REST: variants seen among roughly 807,000 people sequenced by gnomAD.
REST encodes RE1-silencing transcription factor.
Under a neutral mutation model 30.4 loss-of-function variants are expected in REST, and 1 was observed. The ratio of observed to expected loss-of-function variants is 0.03; its 90% CI spans 0.01 to 0.16. The LOEUF (loss-of-function observed/expected upper bound fraction) is 0.16, where lower values mean the gene tolerates loss of function less well. REST is among the 10% of genes least tolerant of loss of function. REST has a pLI of 1.00. For synonymous variants in REST, 504 were observed against 451.1 expected, an observed-to-expected ratio of 1.12 and a Z score of -1.49; for missense variants, 1,259 against 1,329.5, an observed-to-expected ratio of 0.95 and a Z score of 0.82.
rs762902446 is a variant in REST, at chr4:56,930,149, A to G, written c.1291A>G (p.Lys431Glu). Residue 431 changes from lysine to glutamate, a missense_variant, in exon 4 of 4, where the codon AAA (lysine) becomes GAA (glutamate). Lys to Glu is a moderately conservative substitution (Grantham distance 56). Around this residue, in one of 5 missense-constraint regions of REST, gnomAD observed 856 missense variants for 772.8 expected, o/e 1.11. Transcript: ENST00000309042. ...DVSKVKLKKTKKREADLPDNI... is the reference protein window; with the variant it reads ...DVSKVKLKKTEKREADLPDNI... ...CTCAAAAGTGAAACTAAAGAAAACC[A>G]AAAAACGAGAGGCTGACTTGCCTGA... 1 of 1,613,440 alleles carries G rather than the reference A, an allele frequency of 6.2e-7. No homozygotes were observed. The highest frequency in any genetic ancestry group is 8.5e-7 in the Non-Finnish European group (1 of 1,179,880).
In REST at chr4:56,931,043, G is replaced by C. The variant is rs1255538537; in HGVS notation, c.2185G>C (p.Val729Leu). Residue 729 changes from valine (V) to leucine (L), a missense_variant, in exon 4 of 4, where the codon GTT becomes CTT. Coordinates refer to ENST00000309042, the MANE Select transcript of REST (RefSeq NM_005612.5). ...CATGCAGGTGGTCCAGAAGGAGCCT[G>C]TTCAGATGGAGCTGTCTCCTCCCAT... ...APMQVVQKEP[V>L]QMELSPPMEV... 3 of 1,613,924 alleles carry C rather than the reference G, an allele frequency of 1.9e-6. No homozygotes were observed. The highest frequency in any genetic ancestry group is 1.7e-5 in the Admixed American group (1 of 60,000).
Position 56,910,686 on chromosome 4 carries a change from T to C in REST, c.48T>C (p.Phe16=). 3 of 1,614,098 alleles carry C rather than the reference T, an allele frequency of 1.9e-6. No homozygotes were observed. Among genetic ancestry groups the C allele is most frequent in the Non-Finnish European group, 2.5e-6 (3 of 1,179,932 alleles). The change falls in exon 2 of 4, where the codon TTT becomes TTC. Residue 16 remains phenylalanine, a synonymous_variant. Transcript: ENST00000309042. The part of the protein sequence containing the change: ...MGQSSGGGGL[F]TSSGNIGMAL... ...AGTCTTCTGGAGGAGGAGGGCTGTTTACCAGCAGTGGCAACATTGGAATGG... is the reference window on the plus strand; with the variant it reads ...AGTCTTCTGGAGGAGGAGGGCTGTTCACCAGCAGTGGCAACATTGGAATGG...
Position 56,911,191 on chromosome 4 carries a change from A to C in REST, c.553A>C (p.Lys185Gln). Residue 185 changes from lysine (K) to glutamine (Q), a missense_variant, in exon 2 of 4, where the codon AAA becomes CAA. By Grantham distance (53) the Lys-to-Gln change is moderately conservative. Around this residue, in one of 5 missense-constraint regions of REST, gnomAD observed 249 missense variants for 251.5 expected, o/e 0.99. Coordinates refer to ENST00000309042, the MANE Select transcript of REST (RefSeq NM_005612.5). ...TCACATCAGAGTTCACAGTGCTAAG[A>C]AATTTTTTGTGGAAGAGAGTGCAGA... is the stretch of plus-strand genomic sequence containing the variant. ...VHHIRVHSAK[K>Q]FFVEESAEKQ... The C allele has an allele frequency of 2.5e-6, 4 of 1,614,206 alleles. No individual in the cohort carries two copies. The highest frequency in any genetic ancestry group is 3.4e-6 in the Non-Finnish European group (4 of 1,180,044).
At chr4:56,913,985 G>A (rs966866376) in intron 2 of REST, among the ~76,000 whole-genome samples, 5 of 151,300 alleles carry the variant, frequency 3.3e-5, no homozygotes, top group African/African-American at 4.9e-5. Context: ...ACCCATCCTG[G>A]AGTGCAGTGG....
intron 2 of REST, among the ~76,000 whole-genome samples, chr4:56,917,005 T>C (rs1308054115): frequency 6.7e-6 from 1 of 149,592 alleles, no homozygotes; most frequent in Non-Finnish European, 1.5e-5. Context: ...TTTCAGCACA[T>C]CCTTAGCAAT....
intron 3 of REST, among the ~76,000 whole-genome samples, chr4:56,923,138 CTAG>C (rs1214756596): frequency 6.6e-5 from 10 of 152,232 alleles, no homozygotes; most frequent in Non-Finnish European, 1.5e-4. Context: ...GTCTTAAAAA[CTAG>C]TAGTAGCCAC....
intron 3 of REST, among the ~76,000 whole-genome samples, chr4:56,929,211 G>A (rs975706489): frequency 2.6e-5 from 4 of 152,014 alleles, no homozygotes; most frequent in African/African-American, 9.7e-5. Flanking sequence ...GGGATTACTG[G>A]TGTGCAACAC....
intron 2 of REST, among the ~76,000 whole-genome samples, chr4:56,919,390 A>G (rs1720348158): frequency 6.6e-6 from 1 of 152,156 alleles, no homozygotes; most frequent in Non-Finnish European, 1.5e-5. Context: ...AAAAAAACCT[A>G]AAAACCGGTG....
rs1284461687 is a variant in REST at position 56,931,628 on chromosome 4, C to G, written c.2770C>G (p.Gln924Glu). The change falls in exon 4 of 4, where the codon CAA (glutamine) becomes GAA (glutamate). Residue 924 changes from glutamine to glutamate, a missense_variant. Physicochemically the swap from Gln to Glu is conservative, Grantham distance 29 (BLOSUM62 2). Coordinates refer to ENST00000309042, the MANE Select transcript of REST (RefSeq NM_005612.5). ...NESTHISSSG[Q>E]NLNTPEGETL... ...ATCTACCCATATTTCATCCTCTGGA[C>G]AAAACTTGAATACGCCAGAGGGTGA... 1 of 1,614,074 alleles carries G rather than the reference C, an allele frequency of 6.2e-7. No individual in the cohort carries two copies. Among genetic ancestry groups the G allele is most frequent in the African/African-American group, 1.3e-5 (1 of 74,926 alleles).
Position 56,934,633 on chromosome 4 carries a change from G to C in REST, c.*2481G>C, listed in dbSNP as rs1360286291. On this transcript the variant is annotated 3_prime_UTR_variant, in exon 4 of 4. Coordinates refer to ENST00000309042, the MANE Select transcript of REST (RefSeq NM_005612.5). ...AAGTACATTAGCAGTATGAACTTCTGGTCCAGTTGGAAGTTTTTCCATTTG... is the reference window on the plus strand; with the variant it reads ...AAGTACATTAGCAGTATGAACTTCTCGTCCAGTTGGAAGTTTTTCCATTTG... The C allele has an allele frequency of 6.6e-6, 1 of 152,044 alleles. No homozygotes were observed. Among genetic ancestry groups the C allele is most frequent in the African/African-American group, 2.4e-5 (1 of 41,416 alleles). 9.4% of individuals were successfully genotyped at this position (152,044 alleles called of 1,614,324 possible).
chr4:56,914,813 T>C (rs1467652236), intron 2 of REST, among the ~76,000 whole-genome samples: 1 of 151,840 alleles, frequency 6.6e-6, no homozygotes, highest in African/African-American at 2.4e-5. Flanking sequence ...CTCAGCCTCC[T>C]GAAGTGCTGG....
At position 56,931,900 on chromosome 4, in the gene REST, T is replaced by C; in HGVS notation, c.3042T>C (p.His1014=). Residue 1014 remains histidine (H), a synonymous_variant, in exon 4 of 4, where the codon CAT becomes CAC. Transcript: ENST00000309042. ...EIDEDEGIHS[H]EGSDLSDNMS... ...ATGAAGATGAAGGCATCCACAGCCA[T>C]GAAGGAAGTGACCTAAGTGACAACA... The C allele has an allele frequency of 6.2e-7, 1 of 1,614,176 alleles. No individual in the cohort carries two copies. Among genetic ancestry groups the C allele is most frequent in the African/African-American group, 1.3e-5 (1 of 75,026 alleles).
intron 3 of REST, among the ~76,000 whole-genome samples, chr4:56,924,274 A>C (rs1054774215): frequency 6.6e-6 from 1 of 152,180 alleles, no homozygotes; most frequent in Non-Finnish European, 1.5e-5. Context: ...AATTTTAAAA[A>C]CTATTTTATT....
intron 3 of REST, among the ~76,000 whole-genome samples, chr4:56,924,017 G>A (rs1413557189): frequency 2.6e-5 from 4 of 151,854 alleles, no homozygotes; most frequent in Non-Finnish European, 2.9e-5. Flanking sequence ...CACCACACCC[G>A]GCCAATATCC....
intron 3 of REST, among the ~76,000 whole-genome samples, chr4:56,926,966 C>T (rs557876000): frequency 6.6e-6 from 1 of 152,092 alleles, no homozygotes; most frequent in East Asian, 2.0e-4. Context: ...CTTAGTGGCA[C>T]ATGCCTGTAA....
intron 3 of REST, among the ~76,000 whole-genome samples, chr4:56,922,895 TA>T (rs1273593766): frequency 6.6e-6 from 1 of 152,240 alleles, no homozygotes; most frequent in Non-Finnish European, 1.5e-5. Context: ...GTTGACCCAT[TA>T]ATATAATGTT....
intron 1 of REST, chr4:56,908,951 G>A (rs1487600788): frequency 6.6e-6 from 1 of 151,582 alleles, no homozygotes; most frequent in Non-Finnish European, 1.5e-5. Flanking sequence ...GGCGCCCGCG[G>A]AGCCTCCCCG....
intron 2 of REST, among the ~76,000 whole-genome samples, chr4:56,918,670 G>T (rs140797277): frequency 6.6e-6 from 1 of 151,776 alleles, no homozygotes; most frequent in Admixed American, 6.6e-5. Context: ...TGATCCTCCC[G>T]CGTCAGCCTC....
rs1420444434 is a variant in REST at position 56,935,733 on chromosome 4, A to C, written c.*3581A>C. The C allele has an allele frequency of 6.6e-6, 1 of 152,212 alleles. No individual in the cohort carries two copies. Among genetic ancestry groups the C allele is most frequent in the East Asian group, 1.9e-4 (1 of 5,204 alleles). The allele number at this position is 152,212 out of a possible 1,614,324, so 9.4% of individuals were successfully genotyped here. A position where few individuals can be genotyped will look rare whatever the true frequency, so the allele number is the denominator to read the frequency against. On this transcript the variant is annotated 3_prime_UTR_variant, in exon 4 of 4. Transcript: ENST00000309042. ...TTTTTAAAATCCTAAACCATGTACC[A>C]AGTTTTTGGTCCAAATTATGTAGGA...
Sources: allele counts gnomAD v4.1 joint callset (sites outside exome capture counted in the v4.1 genomes callset), GRCh38; gene constraint gnomAD v4.1.1; regional missense constraint gnomAD v4.1.1; transcripts MANE v1.5; gene names NCBI Gene and HGNC (gene_info 2026-07-23, HGNC 2026-07-21).